The following FBXO6 variants were observed in gnomAD, a reference collection of about 807,000 sequenced individuals.
FBXO6 encodes the protein F-box only protein 6.
A neutral mutation model predicts 25.0 loss-of-function variants in FBXO6; 13 were observed. The ratio of observed to expected loss-of-function variants is 0.52; its 90% CI spans 0.34 to 0.83. The LOEUF (loss-of-function observed/expected upper bound fraction) is 0.83, where lower values mean the gene tolerates loss of function less well. Among genes scored for constraint, FBXO6 ranks in the 40% least tolerant of loss-of-function variants. FBXO6 has a pLI of 0.02. For synonymous variants in FBXO6, 138 were observed against 155.3 expected (o/e 0.89, Z 0.83); for missense variants, 370 against 380.2 (o/e 0.97, Z 0.22).
intron 1 of FBXO6, among the ~76,000 whole-genome samples, chr1:11,667,627 G>A (rs1335348352): frequency 6.6e-6 from 1 of 152,012 alleles, no homozygotes; most frequent in Non-Finnish European, 1.5e-5. Flanking sequence ...TCTCCAAGTG[G>A]ATTCTGGCCT....
intron 1 of FBXO6, among the ~76,000 whole-genome samples, chr1:11,665,757 C>T (rs1053906409): frequency 8.6e-5 from 13 of 151,554 alleles, no homozygotes; most frequent in Non-Finnish European, 1.3e-4. Flanking sequence ...GACGGGGTTT[C>T]GCCATATTGG....
chr1:11,671,415 G>A, intron 3 of FBXO6, 23 bp downstream of exon 3: 1 of 1,609,672 alleles, frequency 6.2e-7, no homozygotes, highest in Non-Finnish European at 8.5e-7. Flanking sequence ...GAACCTACCA[G>A]GCTTGCGTGG....
rs1251219448 is a variant in FBXO6 at position 11,672,039 on chromosome 1, GGC to G, written c.509+17_509+18del. 7 of 1,605,236 alleles carry G rather than the reference GGC, an allele frequency of 4.4e-6. No individual in the cohort carries two copies. In the South Asian group the frequency reaches 6.6e-5, roughly 15 times the overall value. ...TTAAGGACTGGTGAGTAGGGTCCAT[GGC>G]CTGTGTCCCCACACTCTACATGCTC... On this transcript the variant is annotated intron_variant, in intron 4 of 5. Transcript: ENST00000376753.
intron 1 of FBXO6, among the ~76,000 whole-genome samples, chr1:11,666,624 C>T (rs1044892933): frequency 2.6e-5 from 4 of 151,842 alleles, no homozygotes; most frequent in African/African-American, 9.7e-5. Context: ...CCTTGTGATC[C>T]GCACCCCTCG....
At position 11,668,684 on chromosome 1, in the gene FBXO6, C is replaced by T. The variant is rs931912503; in HGVS notation, c.26C>T (p.Ala9Val). ...ATGGATGCTCCCCACTCCAAAGCAG[C>T]CCTGGACAGCATTAACGAGCTGCCC... MDAPHSKA[A>V]LDSINELPEN... The change falls in exon 2 of 6, where the codon GCC (alanine) becomes GTC (valine). Residue 9 changes from alanine to valine, a missense_variant. Ala to Val is a moderately conservative substitution (Grantham distance 64). Transcript: ENST00000376753. 6.2e-7 allele frequency: 1 copy of T among 1,613,868 alleles called. No homozygotes were observed. The highest frequency in any genetic ancestry group is 1.7e-5 in the Admixed American group (1 of 60,010).
At chr1:11,664,651 T>C (rs55706902) in intron 1 of FBXO6, 24,339 of 152,130 alleles carry the variant, frequency 0.16, 2,416 homozygotes, top group Admixed American at 0.25. Flanking sequence ...TTCGGAGAAC[T>C]GTCAAGGGAC....
chr1:11,665,554 CTTT>C (rs70983579), intron 1 of FBXO6, among the ~76,000 whole-genome samples: 22 of 37,850 alleles, frequency 5.8e-4, no homozygotes, highest in African/African-American at 2.9e-3. Context: ...CGCGCCCGGC[CTTT>C]TTTTTTTTTT....
At chr1:11,668,218 C>T (rs1640498080) in intron 1 of FBXO6, among the ~76,000 whole-genome samples, 1 of 152,030 alleles carries the variant, frequency 6.6e-6, no homozygotes, top group Non-Finnish European at 1.5e-5. Flanking sequence ...GTCCACACAA[C>T]CCACTGGCTT....
intron 1 of FBXO6, 21 bp from the exon 2 acceptor site, chr1:11,668,634 AT>A: frequency 1.2e-6 from 2 of 1,602,988 alleles, no homozygotes; most frequent in South Asian, 2.2e-5. Flanking sequence ...GGTCAGGCTC[AT>A]AACTGCTGTT....
chr1:11,665,920 T>C (rs1189395993), intron 1 of FBXO6, among the ~76,000 whole-genome samples: 1 of 151,974 alleles, frequency 6.6e-6, no homozygotes, highest in Admixed American at 6.5e-5. Flanking sequence ...GCATTTTTAA[T>C]TGACAACTTT....
chr1:11,666,384 CTTT>C (rs1240116498), intron 1 of FBXO6, among the ~76,000 whole-genome samples: 4 of 133,176 alleles, frequency 3.0e-5, no homozygotes, highest in Admixed American at 7.4e-5. Flanking sequence ...TTTTTCTTTT[CTTT>C]TTTTTTTTTT....
rs2100703345 is a variant in FBXO6, at chr1:11,674,099, T to C, written c.*248T>C. ...GCAGGTGGATCACGAGGTCAGGAGA[T>C]AGAGACCATCCTGGCCAACACGGTG... On this transcript the variant is annotated 3_prime_UTR_variant, in exon 6 of 6. Transcript: ENST00000376753. The surrounding 1 kb of genome is among the most constrained non-coding windows in gnomAD (Gnocchi z 6.1). The C allele has an allele frequency of 2.2e-6, 1 of 454,258 alleles. No homozygotes were observed. The highest frequency in any genetic ancestry group is 4.4e-5 in the East Asian group (1 of 22,956). The allele number at this position is 454,258 out of a possible 1,614,324, so 28.1% of individuals were successfully genotyped here.
Position 11,673,143 on chromosome 1 carries a change from TG to T in FBXO6, c.510-131del. Reference sequence around the variant, plus strand: ...GGGCATAGGGAGCGCTGAAGCCAGCTGGGCCTTGCAGGCAGAGCAGTGTCAG... The same window carrying T: ...GGGCATAGGGAGCGCTGAAGCCAGCTGGCCTTGCAGGCAGAGCAGTGTCAG... On this transcript the variant is annotated intron_variant, in intron 4 of 5. Transcript: ENST00000376753. This position sits in a 1 kb window ranked among gnomAD's most constrained non-coding sequence, Gnocchi z 4.3. 8.8e-7 allele frequency: 1 copy of T among 1,140,890 alleles called. No individual in the cohort carries two copies. The highest frequency in any genetic ancestry group is 1.2e-6 in the Non-Finnish European group (1 of 829,174). The allele number at this position is 1,140,890 out of a possible 1,614,324, so 70.7% of individuals were successfully genotyped here.
chr1:11,665,855 G>A (rs1001560158), intron 1 of FBXO6, among the ~76,000 whole-genome samples: 4 of 139,934 alleles, frequency 2.9e-5, no homozygotes, highest in South Asian at 2.3e-4. Context: ...CTGTGCACCC[G>A]ACCTAATTTC....
rs1366570610 is a variant in FBXO6 at position 11,673,134 on chromosome 1, G to C, written c.510-143G>C. 2.9e-6 allele frequency: 3 copies of C among 1,049,282 alleles called. No individual in the cohort carries two copies. Among genetic ancestry groups the C allele is most frequent in the Non-Finnish European group, 4.0e-6 (3 of 750,396 alleles). The allele number at this position is 1,049,282 out of a possible 1,614,324, so 65.0% of individuals were successfully genotyped here. A position where few individuals can be genotyped will look rare whatever the true frequency, so the allele number is the denominator to read the frequency against. On this transcript the variant is annotated intron_variant, in intron 4 of 5. Transcript: ENST00000376753. The surrounding 1 kb of genome is among the most constrained non-coding windows in gnomAD (Gnocchi z 4.3). ...GCCACAGTGGGGCATAGGGAGCGCT[G>C]AAGCCAGCTGGGCCTTGCAGGCAGA... is the stretch of plus-strand genomic sequence containing the variant.
At chr1:11,671,806 C>CA in intron 3 of FBXO6, 122 bp from the exon 4 acceptor site, 6 of 861,512 alleles carry the variant, frequency 7.0e-6, no homozygotes, top group Non-Finnish European at 1.1e-5. Flanking sequence ...CCGCAGCGGC[C>CA]AAGGGGTACC....
intron 3 of FBXO6, 37 bp downstream of exon 3, chr1:11,671,429 G>C: frequency 6.2e-7 from 1 of 1,601,056 alleles, no homozygotes; most frequent in Non-Finnish European, 8.6e-7. Context: ...TGCGTGGAGG[G>C]GACAGAGGGT....
chr1:11,673,553 C>A lies in FBXO6; in HGVS notation c.646-62C>A, dbSNP rs181137637. On this transcript the variant is annotated intron_variant, in intron 5 of 5. Transcript: ENST00000376753. This position sits in a 1 kb window ranked among gnomAD's most constrained non-coding sequence, Gnocchi z 4.3. ...CAGCCTGGGCAGCTCTCTTAGAGGA[C>A]CTGGCTCCTGCCTTCCCCTCCCCCG... 3 of 1,577,358 alleles carry A rather than the reference C, an allele frequency of 1.9e-6. No individual in the cohort carries two copies. The highest frequency in any genetic ancestry group is 2.2e-5 in the East Asian group (1 of 44,464).
chr1:11,672,156 G>C (rs564562821), intron 4 of FBXO6, 133 bp downstream of exon 4: 4 of 760,816 alleles, frequency 5.3e-6, no homozygotes, highest in Non-Finnish European at 6.6e-6. Flanking sequence ...CCCGGCCTCC[G>C]CCCCTGCTCT....
Sources: allele counts gnomAD v4.1 joint callset (sites outside exome capture counted in the v4.1 genomes callset), GRCh38; gene constraint gnomAD v4.1.1; non-coding constraint Gnocchi (gnomAD v3.1); transcripts MANE v1.5; gene names NCBI Gene and HGNC (gene_info 2026-07-23, HGNC 2026-07-21).